The following PPP2R3B variants were observed in gnomAD, a reference collection of about 807,000 sequenced individuals.
The protein encoded by PPP2R3B is protein phosphatase 2 regulatory subunit B''beta, also known as serine/threonine-protein phosphatase 2A regulatory subunit B'' subunit beta.
Under a neutral mutation model 72.9 loss-of-function variants are expected in PPP2R3B, and 68 were observed. That is an observed-to-expected ratio of 0.93 (90% CI 0.77 to 1.14). The LOEUF (loss-of-function observed/expected upper bound fraction) is 1.14. Among genes scored for constraint, PPP2R3B ranks in the 50% most tolerant of loss-of-function variants. The probability of loss-of-function intolerance (pLI) is 0.00; values close to 1 mark genes in which losing one functional copy is unlikely to be tolerated. For missense variants in PPP2R3B, 1,018 were observed against 842.0 expected (o/e 1.21, Z -2.59); for synonymous variants, 466 against 375.8 (o/e 1.24, Z -2.78).
At chrX:341,742 C>G in intron 8 of PPP2R3B, 141 bp downstream of exon 8, 2 of 915,894 alleles carry the variant, frequency 2.2e-6, no homozygotes, top group Non-Finnish European at 3.6e-6. Flanking sequence ...GTGACAGAGA[C>G]ACGTGCCCCC....
intron 12 of PPP2R3B, chrX:338,376 G>A (rs1284502367): frequency 4.1e-5 from 25 of 606,834 alleles, no homozygotes; most frequent in East Asian, 1.1e-4. Flanking sequence ...AGAACCCCAC[G>A]CGGGGAATGA....
In PPP2R3B at chrX:386,361, AACTT is replaced by A; in HGVS notation, c.324+3_324+6del. The A allele has an allele frequency of 7.6e-7, 1 of 1,312,152 alleles. No individual in the cohort carries two copies. The highest frequency in any genetic ancestry group is 1.5e-5 in the African/African-American group (1 of 66,344). 81.3% of individuals were successfully genotyped at this position (1,312,152 alleles called of 1,614,324 possible). On this transcript the variant is annotated splice_donor_5th_base_variant and intron_variant, in intron 1 of 12. Coordinates refer to ENST00000390665, the MANE Select transcript of PPP2R3B (RefSeq NM_013239.5). ...CGCAGTTGTTAGCAGAAGGAAGAGT[AACTT>A]ACTACTCTCGTCCCTGCGGATCTAC...
At chrX:341,794 C>T (rs1367680217) in intron 8 of PPP2R3B, 89 bp downstream of exon 8, 11 of 1,440,386 alleles carry the variant, frequency 7.6e-6, no homozygotes, top group East Asian at 4.5e-5. Flanking sequence ...TGTCGGGGCA[C>T]AAAAAGCTCA....
At chrX:341,593 G>C (rs2071078668) in intron 8 of PPP2R3B, 197 bp from the exon 9 acceptor site, 1 of 668,358 alleles carries the variant, frequency 1.5e-6, no homozygotes, top group Non-Finnish European at 2.6e-6. Context: ...CCAGATCCAG[G>C]CAGGGTCAGG....
chrX:357,185 A>T (rs1243650499), intron 2 of PPP2R3B, among the ~76,000 whole-genome samples: 3 of 136,292 alleles, frequency 2.2e-5, no homozygotes, highest in African/African-American at 8.6e-5. Flanking sequence ...GGCCAGGGAG[A>T]AAAGAGGGGA....
chrX:364,600 C>T (rs760073354), intron 1 of PPP2R3B, among the ~76,000 whole-genome samples: 38 of 148,974 alleles, frequency 2.6e-4, no homozygotes, highest in Non-Finnish European at 2.7e-4. Flanking sequence ...TGCCTGTACT[C>T]CCAGCTACTC....
chrX:335,808 A>T (rs2070874141), intron 12 of PPP2R3B: 1 of 152,198 alleles, frequency 6.6e-6, no homozygotes, highest in Non-Finnish European at 1.5e-5. Context: ...CAGAGTCACG[A>T]GCAGGAAATA....
intron 1 of PPP2R3B, among the ~76,000 whole-genome samples, chrX:381,383 G>C (rs2072120531): frequency 6.6e-6 from 1 of 152,072 alleles, no homozygotes; most frequent in African/African-American, 2.4e-5. Context: ...TGGCTGGGGA[G>C]TTCAATGGAC....
chrX:338,161 C>A, intron 12 of PPP2R3B: 1 of 263,246 alleles, frequency 3.8e-6, no homozygotes. Context: ...CACGAAGAAC[C>A]CTCACGCTCC....
At chrX:349,247 G>A (rs893336594) in intron 2 of PPP2R3B, among the ~76,000 whole-genome samples, 11 of 152,020 alleles carry the variant, frequency 7.2e-5, no homozygotes, top group African/African-American at 2.2e-4. Context: ...CTTCCACCCC[G>A]TGAGGACGCA....
intron 1 of PPP2R3B, among the ~76,000 whole-genome samples, chrX:382,558 A>C (rs2072150844): frequency 6.6e-6 from 1 of 151,672 alleles, no homozygotes; most frequent in Non-Finnish European, 1.5e-5. Context: ...TGCATTTCTC[A>C]AGTTCCACTA....
intron 7 of PPP2R3B, chrX:345,210 T>TA (rs1422796926): frequency 1.6e-6 from 1 of 617,656 alleles, no homozygotes; most frequent in African/African-American, 1.8e-5. Context: ...GCTCGGGTGT[T>TA]AACAAGGAAG....
At position 350,133 on chromosome X, in the gene PPP2R3B, A is replaced by G. The variant is rs763266993; in HGVS notation, c.511-2440T>C. ...TGTAAAGTCAGAGTAATGAAGACTC[A>G]GTCAGTCTCTGTCGGGCACCGGTGG... On this transcript the variant is annotated intron_variant, in intron 2 of 12. Transcript: ENST00000390665. Among the ~76,000 whole-genome samples the G allele has an allele frequency of 5.9e-5, 9 of 152,332 alleles. No homozygotes were observed. The East Asian group carries it at 1.7e-3, about 29-fold the overall frequency.
At chrX:347,792 T>G in intron 2 of PPP2R3B, 99 bp from the exon 3 acceptor site, 1 of 876,796 alleles carries the variant, frequency 1.1e-6, no homozygotes, top group South Asian at 1.8e-5. Context: ...AGAGACCCTC[T>G]GCTGCAGAAA....
intron 1 of PPP2R3B, among the ~76,000 whole-genome samples, chrX:384,497 G>A (rs1301160229): frequency 6.6e-6 from 1 of 151,892 alleles, no homozygotes; most frequent in East Asian, 1.9e-4. Context: ...GTTTCGCCAT[G>A]TTGCCCAGGC....
At chrX:338,112 G>C (rs944575572) in intron 12 of PPP2R3B, 4 of 185,076 alleles carry the variant, frequency 2.2e-5, no homozygotes, top group Non-Finnish European at 4.6e-5. Flanking sequence ...CTGGGAAAAA[G>C]GCGAACACGT....
rs181785864 is a variant in PPP2R3B, at chrX:371,416, G to A, written c.325-9826C>T. On this transcript the variant is annotated intron_variant, in intron 1 of 12. Transcript: ENST00000390665. ...CCGAGTTTGGTTTGTCAAGGATGCC[G>A]GTGACAGGGAAGTGGGCAGTGGCAG... Among the ~76,000 whole-genome samples, 1,262 of 152,250 alleles carry A rather than the reference G, an allele frequency of 8.3e-3. 10 individuals are homozygous for A. Among genetic ancestry groups the A allele is most frequent in the Non-Finnish European group, 0.013 (870 of 68,014 alleles).
chrX:355,445 T>C (rs1419018623), intron 2 of PPP2R3B, among the ~76,000 whole-genome samples: 4 of 152,202 alleles, frequency 2.6e-5, no homozygotes, highest in South Asian at 2.1e-4. Flanking sequence ...AGGATGCCCA[T>C]GTAATCCCAG....
intron 2 of PPP2R3B, among the ~76,000 whole-genome samples, chrX:360,266 G>A (rs367664769): frequency 3.3e-5 from 5 of 152,358 alleles, no homozygotes; most frequent in African/African-American, 1.2e-4. Flanking sequence ...AGGTGCAGTG[G>A]CTCATGCCTG....
Sources: gnomAD v4.1 joint callset for allele counts (sites outside exome capture counted in the v4.1 genomes callset) on GRCh38, gnomAD v4.1.1 for gene constraint, MANE v1.5 for transcripts, NCBI Gene and HGNC (gene_info 2026-07-23, HGNC 2026-07-21) for gene names.